The following HIPK4 variants were observed in gnomAD, a reference collection of about 807,000 sequenced individuals.
HIPK4 encodes the protein homeodomain interacting protein kinase 4.
HIPK4 carries 26 observed loss-of-function variants against 44.8 expected under a neutral mutation model. The observed-to-expected ratio is 0.58, with a 90% CI of 0.43 to 0.80. The LOEUF (loss-of-function observed/expected upper bound fraction) is 0.80, where lower values mean the gene tolerates loss of function less well. Ranked by LOEUF, HIPK4 falls within the 30% of genes least tolerant of loss-of-function variation. HIPK4 has a pLI of 0.00. For synonymous variants in HIPK4, 340 were observed against 355.5 expected (o/e 0.96, Z 0.49); for missense variants, 729 against 862.6 (o/e 0.85, Z 1.94).
At chr19:40,382,372 C>T (rs1227256130) in intron 2 of HIPK4, among the ~76,000 whole-genome samples, 2 of 152,188 alleles carry the variant, frequency 1.3e-5, no homozygotes, top group East Asian at 3.8e-4. Flanking sequence ...GCGTGGACTA[C>T]AGGCATAAGC....
chr19:40,380,377 G>T lies in HIPK4; in HGVS notation c.1614C>A (p.Ile538=). ...TGGGCCCATCCTCATCTCGCTGCAG[G>T]ATGGCCAGTGGCTCAGCAGAGGCCC... is the stretch of plus-strand genomic sequence containing the variant. ...HLGASAEPLA[I]LQRDEDGPNI... The change falls in exon 3 of 4, where the codon ATC becomes ATA. Residue 538 remains isoleucine, a synonymous_variant. Transcript: ENST00000291823. The surrounding 1 kb of genome is among the most constrained non-coding windows in gnomAD (Gnocchi z 4.2). 6.2e-7 allele frequency: 1 copy of T among 1,614,202 alleles called. No individual in the cohort carries two copies. The highest frequency in any genetic ancestry group is 8.5e-7 in the Non-Finnish European group (1 of 1,180,044).
rs1599647031 is a variant in HIPK4 at position 40,390,062 on chromosome 19, A to G, written c.-160T>C. ...TGAGGTTGGCCCCTGCTTCCCTGGC[A>G]CCCCCAAACCCCCAGGCCACACTGT... On this transcript the variant is annotated 5_prime_UTR_variant, in exon 1 of 4. Coordinates refer to ENST00000291823, the MANE Select transcript of HIPK4 (RefSeq NM_144685.5). 1 of 606,110 alleles carries G rather than the reference A, an allele frequency of 1.6e-6. No homozygotes were observed. Among genetic ancestry groups the G allele is most frequent in the Non-Finnish European group, 2.9e-6 (1 of 342,978 alleles). 37.5% of individuals were successfully genotyped at this position (606,110 alleles called of 1,614,324 possible).
At chr19:40,387,496 C>T (rs966382827) in intron 1 of HIPK4, among the ~76,000 whole-genome samples, 1 of 152,074 alleles carries the variant, frequency 6.6e-6, no homozygotes, top group Admixed American at 6.6e-5. Flanking sequence ...TTTTCTTTTT[C>T]AGGTGGCTTC....
Position 40,389,509 on chromosome 19 carries a change from T to C in HIPK4, c.394A>G (p.Ile132Val). The change falls in exon 1 of 4, where the codon ATC becomes GTC. Residue 132 changes from isoleucine to valine, a missense_variant. Ile to Val is a conservative substitution (Grantham distance 29, BLOSUM62 3). This residue lies in a region of HIPK4 where 196 missense variants were observed against 295.1 expected (regional missense o/e 0.66). Coordinates refer to ENST00000291823, the MANE Select transcript of HIPK4 (RefSeq NM_144685.5). This position sits in a 1 kb window ranked among gnomAD's most constrained non-coding sequence, Gnocchi z 4.6. ...TCAGGCTTGAGATCAGCGTGGATGA[T>C]AGCCAGCTCCTTGAGCCGGGCCAGG... ...TALARLKELA[I>V]IHADLKPENI... is the part of the protein sequence containing the mutation. 6.2e-7 allele frequency: 1 copy of C among 1,613,276 alleles called. No homozygotes were observed. The highest frequency in any genetic ancestry group is 8.5e-7 in the Non-Finnish European group (1 of 1,179,582).
rs376292957 is a variant in HIPK4 at position 40,384,800 on chromosome 19, C to T, written c.466-661G>A. On this transcript the variant is annotated intron_variant, in intron 1 of 3. Coordinates refer to ENST00000291823, the MANE Select transcript of HIPK4 (RefSeq NM_144685.5). ...CTAATTTTTGTATTTTTAGTAGAGA[C>T]GGGGTTTCACCCTGTTGGCCAGGCT... is the stretch of plus-strand genomic sequence containing the variant. 1.8e-4 allele frequency among the ~76,000 whole-genome samples: 26 copies of T among 148,462 alleles called. No homozygotes were observed. The South Asian group carries it at 2.8e-3, about 16-fold the overall frequency.
In HIPK4 at chr19:40,383,825, G is replaced by C; in HGVS notation, c.780C>G (p.Pro260=). The change falls in exon 2 of 4, where the codon CCC becomes CCG. Residue 260 remains proline, a synonymous_variant. Coordinates refer to ENST00000291823, the MANE Select transcript of HIPK4 (RefSeq NM_144685.5). ...AGTCAGCCGAGGACTTGAGCTGCCA[G>C]GGGTTGGCAGCGTCAGGGTGGGGGT... ...KRNPHPDAAN[P]WQLKSSADYL... 1 of 1,613,772 alleles carries C rather than the reference G, an allele frequency of 6.2e-7. No homozygotes were observed. The highest frequency in any genetic ancestry group is 8.5e-7 in the Non-Finnish European group (1 of 1,179,740).
At chr19:40,381,908 C>T (rs554026800) in intron 2 of HIPK4, among the ~76,000 whole-genome samples, 1 of 147,512 alleles carries the variant, frequency 6.8e-6, no homozygotes, top group Non-Finnish European at 1.5e-5. Flanking sequence ...CAGGTTCAAG[C>T]GATTCTCCTG....
chr19:40,380,832 C>T lies in HIPK4; in HGVS notation c.1159G>A (p.Glu387Lys), dbSNP rs760328588. The change falls in exon 3 of 4, where the codon GAA becomes AAA. Residue 387 changes from glutamate (E) to lysine (K), a missense_variant. Coordinates refer to ENST00000291823, the MANE Select transcript of HIPK4 (RefSeq NM_144685.5). The surrounding 1 kb of genome is among the most constrained non-coding windows in gnomAD (Gnocchi z 4.2). Reference protein sequence around the residue: ...GKPPTPVVAAEDGTPYYCLAE... With the variant: ...GKPPTPVVAAKDGTPYYCLAE... Reference sequence around the variant, plus strand: ...AGACAGTAGTAGGGGGTCCCATCTTCTGCGGCCACGACGGGCGTGGGGGGC... The same window carrying T: ...AGACAGTAGTAGGGGGTCCCATCTTTTGCGGCCACGACGGGCGTGGGGGGC... 6.2e-7 allele frequency: 1 copy of T among 1,611,030 alleles called. No homozygotes were observed. Among genetic ancestry groups the T allele is most frequent in the Non-Finnish European group, 8.5e-7 (1 of 1,177,402 alleles).
chr19:40,388,443 G>A (rs1277180558), intron 1 of HIPK4, among the ~76,000 whole-genome samples: 1 of 152,174 alleles, frequency 6.6e-6, no homozygotes. Flanking sequence ...GTCTATGTTT[G>A]TGGAATGAAT....
chr19:40,380,424 A>G lies in HIPK4; in HGVS notation c.1567T>C (p.Trp523Arg), dbSNP rs202073264. 357 of 1,614,104 alleles carry G rather than the reference A, an allele frequency of 2.2e-4. 2 individuals carry two copies. The South Asian group carries it at 2.5e-3, about 11-fold the overall frequency. The change falls in exon 3 of 4, where the codon TGG (tryptophan) becomes CGG (arginine). Residue 523 changes from tryptophan (W) to arginine (R), a missense_variant. Trp to Arg is a moderately radical substitution (Grantham distance 101). Around this residue, in one of 2 missense-constraint regions of HIPK4, gnomAD observed 533 missense variants for 567.5 expected, o/e 0.94. Coordinates refer to ENST00000291823, the MANE Select transcript of HIPK4 (RefSeq NM_144685.5). This position sits in a 1 kb window ranked among gnomAD's most constrained non-coding sequence, Gnocchi z 4.2. ...EDDRPCRGSS[W>R]EEGEHLGASA... ...GCCCCGAGATGCTCTCCTTCCTCCCAGCTGCTGCCCCGGCAGGGCCTGTCA... is the reference window on the plus strand; with the variant it reads ...GCCCCGAGATGCTCTCCTTCCTCCCGGCTGCTGCCCCGGCAGGGCCTGTCA...
rs199999966 is a variant in HIPK4 at position 40,379,691 on chromosome 19, C to T, written c.1747G>A (p.Val583Ile). The change falls in exon 4 of 4, where the codon GTC becomes ATC. Residue 583 changes from valine (V) to isoleucine (I), a missense_variant. Coordinates refer to ENST00000291823, the MANE Select transcript of HIPK4 (RefSeq NM_144685.5). Reference sequence around the variant, plus strand: ...AGCCCCTGAGCCCGTGGGCCCCTGACGCTCTCCAGGGTGCAGTCTGGCTCA... The same window carrying T: ...AGCCCCTGAGCCCGTGGGCCCCTGATGCTCTCCAGGGTGCAGTCTGGCTCA... ...LSEPDCTLESVRGPRAQGLPP... is the reference protein window; with the variant it reads ...LSEPDCTLESIRGPRAQGLPP... 3.6e-5 allele frequency: 58 copies of T among 1,596,678 alleles called. No individual in the cohort carries two copies. The East Asian group carries it at 5.9e-4, about 16-fold the overall frequency.
In HIPK4 at chr19:40,380,287, C is replaced by G; in HGVS notation, c.1668+36G>C. 1 of 1,597,548 alleles carries G rather than the reference C, an allele frequency of 6.3e-7. No homozygotes were observed. On this transcript the variant is annotated intron_variant, in intron 3 of 3. Transcript: ENST00000291823. This position sits in a 1 kb window ranked among gnomAD's most constrained non-coding sequence, Gnocchi z 4.2. ...CGGGTGAGTGTGTGCTGAGCCTCCT[C>G]CCACCCTAATCGTATCCTGAACGCA...
In HIPK4 at chr19:40,389,993, G is replaced by GC; in HGVS notation, c.-92dup. The GC allele has an allele frequency of 1.0e-6, 1 of 980,326 alleles. No individual in the cohort carries two copies. The highest frequency in any genetic ancestry group is 1.5e-6 in the Non-Finnish European group (1 of 664,618). 60.7% of individuals were successfully genotyped at this position (980,326 alleles called of 1,614,324 possible). A position where few individuals can be genotyped will look rare whatever the true frequency, so the allele number is the denominator to read the frequency against. On this transcript the variant is annotated 5_prime_UTR_variant, in exon 1 of 4. Coordinates refer to ENST00000291823, the MANE Select transcript of HIPK4 (RefSeq NM_144685.5). The surrounding 1 kb of genome is among the most constrained non-coding windows in gnomAD (Gnocchi z 4.6). ...TCCCGCCTGGCTGCTGACACAGCAG[G>GC]CCCCCCAGTGGGGGAAAGAGAACCG...
At chr19:40,388,826 T>C (rs147986986) in intron 1 of HIPK4, among the ~76,000 whole-genome samples, 280 of 152,282 alleles carry the variant, frequency 1.8e-3, no homozygotes, top group African/African-American at 6.2e-3. Context: ...GGTGGGCAGA[T>C]TGCTTGAACT....
rs1227295944 is a variant in HIPK4, at chr19:40,389,745, T to C, written c.158A>G (p.Lys53Arg). 1 of 1,614,250 alleles carries C rather than the reference T, an allele frequency of 6.2e-7. No individual in the cohort carries two copies. Among genetic ancestry groups the C allele is most frequent in the East Asian group, 2.2e-5 (1 of 44,890 alleles). The stretch of plus-strand genomic sequence containing the variant: ...GCAGTGCAGCAGCTTCAGCTCGTTC[T>C]TGATGATGCGGTTGCGGTAGGCGTC... ...KNDAYRNRII[K>R]NELKLLHCMR... The change falls in exon 1 of 4, where the codon AAG (lysine) becomes AGG (arginine). Residue 53 changes from lysine (K) to arginine (R), a missense_variant. Transcript: ENST00000291823. This position sits in a 1 kb window ranked among gnomAD's most constrained non-coding sequence, Gnocchi z 4.6.
chr19:40,380,552 C>T lies in HIPK4; in HGVS notation c.1439G>A (p.Ser480Asn), dbSNP rs749976582. 3.8e-5 allele frequency: 62 copies of T among 1,611,866 alleles called. No homozygotes were observed. The highest frequency in any genetic ancestry group is 5.2e-5 in the Non-Finnish European group (61 of 1,179,540). The change falls in exon 3 of 4, where the codon AGC (serine) becomes AAC (asparagine). Residue 480 changes from serine (S) to asparagine (N), a missense_variant. Coordinates refer to ENST00000291823, the MANE Select transcript of HIPK4 (RefSeq NM_144685.5). The surrounding 1 kb of genome is among the most constrained non-coding windows in gnomAD (Gnocchi z 4.2). The part of the protein sequence containing the change: ...GPEPILAFYS[S>N]RLAGRHKARK... The stretch of plus-strand genomic sequence containing the variant: ...GGCCTTGTGGCGGCCTGCCAGGCGG[C>T]TGCTGTAGAAGGCCAGGATGGGCTC...
Position 40,380,246 on chromosome 19 carries a change from A to C in HIPK4, c.1668+77T>G. Reference sequence around the variant, plus strand: ...TGTGTGTTGAGCCTCCTCACACACTAATCATATCCTGAGCACGGGTGAGTG... The same window carrying C: ...TGTGTGTTGAGCCTCCTCACACACTCATCATATCCTGAGCACGGGTGAGTG... On this transcript the variant is annotated intron_variant, in intron 3 of 3. Transcript: ENST00000291823. This position sits in a 1 kb window ranked among gnomAD's most constrained non-coding sequence, Gnocchi z 4.2. The C allele has an allele frequency of 6.6e-7, 1 of 1,516,718 alleles. No individual in the cohort carries two copies. The highest frequency in any genetic ancestry group is 8.9e-7 in the Non-Finnish European group (1 of 1,129,632). 94.0% of individuals were successfully genotyped at this position (1,516,718 alleles called of 1,614,324 possible). A position where few individuals can be genotyped will look rare whatever the true frequency, so the allele number is the denominator to read the frequency against.
intron 1 of HIPK4, among the ~76,000 whole-genome samples, chr19:40,384,860 C>A (rs2079355873): frequency 6.6e-6 from 1 of 152,074 alleles, no homozygotes; most frequent in African/African-American, 2.4e-5. Flanking sequence ...GATCTGCCCT[C>A]CTCAGCCTCC....
At position 40,389,267 on chromosome 19, in the gene HIPK4, T is replaced by C. The variant is rs1435459704; in HGVS notation, c.465+171A>G. Among the ~76,000 whole-genome samples, 1 of 151,880 alleles carries C rather than the reference T, an allele frequency of 6.6e-6. No individual in the cohort carries two copies. Among genetic ancestry groups the C allele is most frequent in the Non-Finnish European group, 1.5e-5 (1 of 67,976 alleles). Reference sequence around the variant, plus strand: ...TTGAACCCAGGAGGCGGAGTTGCAGTGAGCTGAGATTGTGCCACTGCACTC... The same window carrying C: ...TTGAACCCAGGAGGCGGAGTTGCAGCGAGCTGAGATTGTGCCACTGCACTC... On this transcript the variant is annotated intron_variant, in intron 1 of 3. Coordinates refer to ENST00000291823, the MANE Select transcript of HIPK4 (RefSeq NM_144685.5). The surrounding 1 kb of genome is among the most constrained non-coding windows in gnomAD (Gnocchi z 4.6).
Sources: allele counts gnomAD v4.1 joint callset (sites outside exome capture counted in the v4.1 genomes callset), GRCh38; gene constraint gnomAD v4.1.1; regional missense constraint gnomAD v4.1.1; non-coding constraint Gnocchi (gnomAD v3.1); transcripts MANE v1.5; gene names NCBI Gene and HGNC (gene_info 2026-07-23, HGNC 2026-07-21).